The following TMEM134 variants were observed in gnomAD, a reference collection of about 807,000 sequenced individuals.
TMEM134 encodes the protein transmembrane protein 134.
TMEM134 carries 36 observed loss-of-function variants against 26.2 expected under a neutral mutation model. The ratio of observed to expected loss-of-function variants is 1.37; its 90% confidence interval spans 1.05 to 1.81. The LOEUF (loss-of-function observed/expected upper bound fraction) is 1.81, where lower values mean the gene tolerates loss of function less well. TMEM134 is among the 40% of genes most tolerant of loss of function. TMEM134 has a pLI of 0.00. For synonymous variants in TMEM134, 133 were observed against 113.6 expected, an observed-to-expected ratio of 1.17 and a Z score of -1.08; for missense variants, 339 against 263.5, an observed-to-expected ratio of 1.29 and a Z score of -1.98.
chr11:67,464,337 G>T lies in TMEM134; in HGVS notation c.*277C>A, dbSNP rs999562008. ...GGCTGGGCTAGCAGTGGCAGGACAG[G>T]AGGAGAGCAATTGCCTCTGGTGGAA... On this transcript the variant is annotated 3_prime_UTR_variant, in exon 7 of 7. Coordinates refer to ENST00000308022, the MANE Select transcript of TMEM134 (RefSeq NM_025124.4). The T allele has an allele frequency of 1.2e-5, 6 of 486,556 alleles. No homozygotes were observed. The highest frequency in any genetic ancestry group is 5.4e-4 in the Middle Eastern group (1 of 1,842). The allele number at this position is 486,556 out of a possible 1,614,324, so 30.1% of individuals were successfully genotyped here. A position where few individuals can be genotyped will look rare whatever the true frequency, so the allele number is the denominator to read the frequency against.
At chr11:67,464,935 G>T in intron 5 of TMEM134, 79 bp from the exon 6 acceptor site, 1 of 1,558,398 alleles carries the variant, frequency 6.4e-7, no homozygotes, top group Non-Finnish European at 8.8e-7. Flanking sequence ...GACTGCCCGG[G>T]CAAGCCTCAC....
At chr11:67,466,480 G>GA (rs1216036856) in intron 4 of TMEM134, 1 of 152,602 alleles carries the variant, frequency 6.6e-6, no homozygotes, top group East Asian at 1.9e-4. Context: ...GGGGAAAAAT[G>GA]AAAGAACTTG....
At position 67,464,359 on chromosome 11, in the gene TMEM134, G is replaced by A. The variant is rs1012350989; in HGVS notation, c.*255C>T. 16 of 571,154 alleles carry A rather than the reference G, an allele frequency of 2.8e-5. No homozygotes were observed. The East Asian group carries it at 4.2e-4, about 15-fold the overall frequency. The allele number at this position is 571,154 out of a possible 1,614,324, so 35.4% of individuals were successfully genotyped here. ...CAGGAGGAGAGCAATTGCCTCTGGT[G>A]GAATTAATTACTCTTTTATTAGCAC... On this transcript the variant is annotated 3_prime_UTR_variant, in exon 7 of 7. Transcript: ENST00000308022.
At position 67,464,614 on chromosome 11, in the gene TMEM134, T is replaced by A. The variant is rs1306364060; in HGVS notation, c.588A>T (p.Ter196CysextTer129). 6.4e-7 allele frequency: 1 copy of A among 1,551,918 alleles called. No individual in the cohort carries two copies. Among genetic ancestry groups the A allele is most frequent in the Admixed American group, 2.0e-5 (1 of 51,048 alleles). ...GCAAGGGGTCCACGCTGCGCCGCGATCACTTCTCGAAGTAGGGCAGGTAGA... is the reference window on the plus strand; with the variant it reads ...GCAAGGGGTCCACGCTGCGCCGCGAACACTTCTCGAAGTAGGGCAGGTAGA... ...QFFYLPYFEK[*>C] The change falls in exon 7 of 7, where the codon TGA (stop) becomes TGT (cysteine). Residue 196 changes from the stop codon to cysteine (C), a stop_lost. Transcript: ENST00000308022.
rs1051210351 is a variant in TMEM134 at position 67,469,022 on chromosome 11, G to A, written c.171C>T (p.Tyr57=). 1 of 1,504,214 alleles carries A rather than the reference G, an allele frequency of 6.6e-7. No individual in the cohort carries two copies. Among genetic ancestry groups the A allele is most frequent in the Non-Finnish European group, 8.9e-7 (1 of 1,127,914 alleles). The allele number at this position is 1,504,214 out of a possible 1,614,324, so 93.2% of individuals were successfully genotyped here. ...TTAGGTGGGCCGGGCGGTTCACCTG[G>A]TAGCGCAGCCGGGACTGCTTGTCCT... ...ADEDKQSRLR[Y]QNLENDEDGA... Residue 57 remains tyrosine, a synonymous_variant, in exon 1 of 7, where the codon TAC becomes TAT. Coordinates refer to ENST00000308022, the MANE Select transcript of TMEM134 (RefSeq NM_025124.4).
At chr11:67,467,201 C>T in intron 4 of TMEM134, 111 bp downstream of exon 4, 1 of 1,019,308 alleles carries the variant, frequency 9.8e-7, no homozygotes, top group Admixed American at 2.1e-5. Context: ...AGCCAGCTGC[C>T]TCCTCAGGAT....
At position 67,467,434 on chromosome 11, in the gene TMEM134, G is replaced by A. The variant is rs374763499; in HGVS notation, c.330-46C>T. 19 of 1,612,726 alleles carry A rather than the reference G, an allele frequency of 1.2e-5. No homozygotes were observed. In the African/African-American group the frequency reaches 2.3e-4, roughly 19 times the overall value. On this transcript the variant is annotated intron_variant, in intron 3 of 6. Transcript: ENST00000308022. ...GTGAATGTGAAGGAGGTGGAGGGAGGGGGTGCAGGAGGCTGTGGGGGTGGA... is the reference window on the plus strand; with the variant it reads ...GTGAATGTGAAGGAGGTGGAGGGAGAGGGTGCAGGAGGCTGTGGGGGTGGA...
chr11:67,468,228 C>T, intron 1 of TMEM134, 136 bp from the exon 2 acceptor site: 1 of 768,134 alleles, frequency 1.3e-6, no homozygotes, highest in Non-Finnish European at 2.2e-6. Flanking sequence ...TCTGCCCTCC[C>T]CGCAGAACGG....
chr11:67,465,121 G>GGGGGTGGGGGCAGGAGCA, intron 4 of TMEM134, 21 bp from the exon 5 acceptor site: 9 of 1,562,694 alleles, frequency 5.8e-6, no homozygotes, highest in Non-Finnish European at 7.8e-6. Flanking sequence ...ACGGAGCCGC[G>GGGGGTGGGGGCAGGAGCA]GGGGTGGGGG....
intron 4 of TMEM134, 57 bp downstream of exon 4, chr11:67,467,255 A>T (rs1269827087): frequency 1.3e-6 from 2 of 1,539,742 alleles, no homozygotes; most frequent in Admixed American, 1.7e-5. Context: ...CCTGTACAAA[A>T]GGAGGGCAGA....
intron 1 of TMEM134, chr11:67,468,345 A>G (rs1318909732): frequency 3.8e-6 from 2 of 531,146 alleles, no homozygotes; most frequent in Non-Finnish European, 6.8e-6. Context: ...ACTTTGGGTT[A>G]GGGTGGAGCT....
At position 67,462,184 on chromosome 11, in the gene TMEM134, A is replaced by G. The variant is rs1428683300; in HGVS notation, c.*2430T>C. The G allele has an allele frequency of 2.0e-5, 3 of 151,944 alleles. No homozygotes were observed. Among genetic ancestry groups the G allele is most frequent in the African/African-American group, 7.2e-5 (3 of 41,414 alleles). 9.4% of individuals were successfully genotyped at this position (151,944 alleles called of 1,614,324 possible). A position where few individuals can be genotyped will look rare whatever the true frequency, so the allele number is the denominator to read the frequency against. ...CTCGTCTCAAAAAAAAAACAAAAAA[A>G]AAAAAAACAAGGAGTAAAAAGTTGT... is the stretch of plus-strand genomic sequence containing the variant. On this transcript the variant is annotated 3_prime_UTR_variant, in exon 7 of 7. Coordinates refer to ENST00000308022, the MANE Select transcript of TMEM134 (RefSeq NM_025124.4).
chr11:67,465,310 G>C, intron 4 of TMEM134: 1 of 1,369,844 alleles, frequency 7.3e-7, no homozygotes. Flanking sequence ...TGTTCCTTGG[G>C]GTGGGCTTTT....
Position 67,464,268 on chromosome 11 carries a change from C to T in TMEM134, c.*346G>A. The T allele has an allele frequency of 2.5e-6, 1 of 398,168 alleles. No individual in the cohort carries two copies. The highest frequency in any genetic ancestry group is 7.7e-4 in the Middle Eastern group (1 of 1,298). 24.7% of individuals were successfully genotyped at this position (398,168 alleles called of 1,614,324 possible). On this transcript the variant is annotated 3_prime_UTR_variant, in exon 7 of 7. Coordinates refer to ENST00000308022, the MANE Select transcript of TMEM134 (RefSeq NM_025124.4). ...TTCGGTGGTGCTCGAAGCCCTTCAG[C>T]GTCAGGGTCAGTCCTTGGGAGGGGG...
At chr11:67,466,916 A>C in intron 4 of TMEM134, 1 of 249,596 alleles carries the variant, frequency 4.0e-6, no homozygotes, top group South Asian at 4.4e-5. Flanking sequence ...CTGAGCCCCT[A>C]CACGTGGCTT....
chr11:67,462,289 T>G lies in TMEM134; in HGVS notation c.*2325A>C, dbSNP rs1259883919. The G allele has an allele frequency of 6.6e-6, 1 of 152,200 alleles. No individual in the cohort carries two copies. The highest frequency in any genetic ancestry group is 1.5e-5 in the Non-Finnish European group (1 of 68,032). 9.4% of individuals were successfully genotyped at this position (152,200 alleles called of 1,614,324 possible). A position where few individuals can be genotyped will look rare whatever the true frequency, so the allele number is the denominator to read the frequency against. Reference sequence around the variant, plus strand: ...TTTTTCCTTTTTCCTATGTTTGTTCTGATTATATTTATTGAAATGTAATTT... The same window carrying G: ...TTTTTCCTTTTTCCTATGTTTGTTCGGATTATATTTATTGAAATGTAATTT... On this transcript the variant is annotated 3_prime_UTR_variant, in exon 7 of 7. Transcript: ENST00000308022.
rs1865053194 is a variant in TMEM134 at position 67,462,648 on chromosome 11, C to T, written c.*1966G>A. 1 of 151,880 alleles carries T rather than the reference C, an allele frequency of 6.6e-6. No individual in the cohort carries two copies. Among genetic ancestry groups the T allele is most frequent in the Non-Finnish European group, 1.5e-5 (1 of 67,974 alleles). 9.4% of individuals were successfully genotyped at this position (151,880 alleles called of 1,614,324 possible). ...GATTGCAGGCATGAGCCACCACGCC[C>T]AGCCTCTGTATGTTTTTTATTTCAT... On this transcript the variant is annotated 3_prime_UTR_variant, in exon 7 of 7. Coordinates refer to ENST00000308022, the MANE Select transcript of TMEM134 (RefSeq NM_025124.4).
rs779091117 is a variant in TMEM134 at position 67,467,523 on chromosome 11, G to A, written c.307C>T (p.Arg103Cys). Residue 103 changes from arginine (R) to cysteine (C), a missense_variant, in exon 3 of 7, where the codon CGC becomes TGC. By Grantham distance (180) the Arg-to-Cys change is radical (BLOSUM62 -3). Transcript: ENST00000308022. ...CACCTGCAGCAGGTGTTGTAGGAGC[G>A]CTGGGTGCTGCTGCTGATGGTGCTG... is the stretch of plus-strand genomic sequence containing the variant. Reference protein sequence around the residue: ...SFSTISSSTQRSYNTCCSWTQ... With the variant: ...SFSTISSSTQCSYNTCCSWTQ... 6.5e-5 allele frequency: 105 copies of A among 1,613,942 alleles called. No individual in the cohort carries two copies. The highest frequency in any genetic ancestry group is 1.2e-4 in the Admixed American group (7 of 60,006).
rs765191931 is a variant in TMEM134, at chr11:67,464,630, G to A, written c.572C>T (p.Pro191Leu). Residue 191 changes from proline to leucine, a missense_variant, in exon 7 of 7, where the codon CCC (proline) becomes CTC (leucine). By Grantham distance (98) the Pro-to-Leu change is moderately conservative (BLOSUM62 -3). Coordinates refer to ENST00000308022, the MANE Select transcript of TMEM134 (RefSeq NM_025124.4). ...GCGCCGCGATCACTTCTCGAAGTAGGGCAGGTAGAAGAACTGGAAGCCCCG... is the reference window on the plus strand; with the variant it reads ...GCGCCGCGATCACTTCTCGAAGTAGAGCAGGTAGAAGAACTGGAAGCCCCG... ...GHRGFQFFYL[P>L]YFEK is the part of the protein sequence containing the mutation. 3 of 1,552,776 alleles carry A rather than the reference G, an allele frequency of 1.9e-6. No individual in the cohort carries two copies. The highest frequency in any genetic ancestry group is 2.6e-6 in the Non-Finnish European group (3 of 1,147,510).
Sources: gnomAD v4.1 joint callset for allele counts on GRCh38, gnomAD v4.1.1 for gene constraint, MANE v1.5 for transcripts, NCBI Gene and HGNC (gene_info 2026-07-23, HGNC 2026-07-21) for gene names.